AHRR: variants seen among roughly 807,000 people sequenced by gnomAD.
AHRR encodes the protein aryl hydrocarbon receptor repressor.
In AHRR, 28 loss-of-function variants were observed where a neutral mutation model predicts 44.0. The ratio of observed to expected loss-of-function variants is 0.64; its 90% confidence interval spans 0.47 to 0.87. The LOEUF is 0.87. Among genes scored for constraint, AHRR ranks in the 40% least tolerant of loss-of-function variants. AHRR has a pLI of 0.00. For missense variants in AHRR, 990 were observed against 953.9 expected, an observed-to-expected ratio of 1.04 and a Z score of -0.50; for synonymous variants, 434 against 407.0, an observed-to-expected ratio of 1.07 and a Z score of -0.80.
intron 5 of AHRR, among the ~76,000 whole-genome samples, chr5:415,109 A>T (rs1421141268): frequency 6.6e-6 from 1 of 152,200 alleles, no homozygotes; most frequent in Non-Finnish European, 1.5e-5. Context: ...TCCCTTTGGG[A>T]CCCAGGTGAG....
chr5:427,416 A>G (rs1287244564), intron 7 of AHRR, among the ~76,000 whole-genome samples: 2 of 129,246 alleles, frequency 1.5e-5, no homozygotes, highest in African/African-American at 6.1e-5. Context: ...CTTGGAGATC[A>G]TCCACTCCTG....
At position 405,147 on chromosome 5, in the gene AHRR, G is replaced by A. The variant is rs997495407; in HGVS notation, c.352-8197G>A. Among the ~76,000 whole-genome samples, 9 of 152,218 alleles carry A rather than the reference G, an allele frequency of 5.9e-5. No homozygotes were observed. The highest frequency in any genetic ancestry group is 2.1e-4 in the South Asian group (1 of 4,818). ...TCTCTTGGGGAAATCTGGGCAAACC[G>A]AGAGCTTGTGAACAGCCCCGATGGG... On this transcript the variant is annotated intron_variant, in intron 4 of 10. Coordinates refer to ENST00000684583, the MANE Select transcript of AHRR (RefSeq NM_001377236.1). This position sits in a 1 kb window ranked among gnomAD's most constrained non-coding sequence, Gnocchi z 4.5.
intron 5 of AHRR, among the ~76,000 whole-genome samples, chr5:421,555 G>C (rs1353137093): frequency 6.6e-6 from 1 of 152,248 alleles, no homozygotes; most frequent in Non-Finnish European, 1.5e-5. Context: ...TTACCCTCCA[G>C]TTACAAGTCC....
chr5:400,219 A>G (rs1734955785), intron 4 of AHRR, among the ~76,000 whole-genome samples: 1 of 152,270 alleles, frequency 6.6e-6, no homozygotes, highest in South Asian at 2.1e-4. Flanking sequence ...CTTGACAAAA[A>G]TAATCTTTGA....
At chr5:364,732 C>G (rs1743296911) in intron 3 of AHRR, among the ~76,000 whole-genome samples, 1 of 151,434 alleles carries the variant, frequency 6.6e-6, no homozygotes, top group African/African-American at 2.4e-5. Flanking sequence ...AAGTGGATTA[C>G]TATATGCTGT....
intron 4 of AHRR, 64 bp downstream of exon 4, chr5:376,780 G>T (rs1733720357): frequency 6.4e-6 from 9 of 1,407,832 alleles, no homozygotes; most frequent in Middle Eastern, 1.8e-4. Context: ...GCGTGTTCAG[G>T]CTCAGTCATA....
intron 2 of AHRR, 41 bp from the exon 3 acceptor site, chr5:353,689 C>T (rs762335070): frequency 3.2e-6 from 5 of 1,567,668 alleles, no homozygotes; most frequent in East Asian, 2.2e-5. Context: ...CCTGTGGCTT[C>T]TGGTGGAGAA....
intron 3 of AHRR, chr5:367,781 C>G (rs1216452779): frequency 1.4e-6 from 1 of 697,242 alleles, no homozygotes; most frequent in Non-Finnish European, 2.6e-6. Context: ...TGGGTTCTGT[C>G]CCCCTCCTTC....
rs1742949764 is a variant in AHRR at position 353,872 on chromosome 5, C to G, written c.205C>G (p.Leu69Val). Residue 69 changes from leucine (L) to valine (V), a missense_variant, in exon 3 of 11, where the codon CTC becomes GTC. Transcript: ENST00000684583. ...GCTGGACAAGCTTTCTGTCCTGCGC[C>G]TCAGTGTCAGTTACCTCCGGGTGAA... The part of the protein sequence containing the change: ...SKLDKLSVLR[L>V]SVSYLRVKSF... 6.2e-7 allele frequency: 1 copy of G among 1,614,006 alleles called. No individual in the cohort carries two copies.
At chr5:428,066 C>T in intron 8 of AHRR, 60 bp downstream of exon 8, 2 of 1,518,210 alleles carry the variant, frequency 1.3e-6, no homozygotes, top group East Asian at 2.3e-5. Context: ...CACAAAACAC[C>T]TCCACACTCA....
intron 4 of AHRR, among the ~76,000 whole-genome samples, chr5:385,152 C>T (rs1216300817): frequency 6.6e-6 from 1 of 151,926 alleles, no homozygotes; most frequent in Non-Finnish European, 1.5e-5. Flanking sequence ...TGCAGGTCTG[C>T]TGGTGATGTG....
At chr5:334,203 T>G (rs1423862894) in intron 1 of AHRR, among the ~76,000 whole-genome samples, 1 of 152,166 alleles carries the variant, frequency 6.6e-6, no homozygotes, top group Non-Finnish European at 1.5e-5. Flanking sequence ...GTGTCTTTTT[T>G]GCACGATGTT....
intron 2 of AHRR, 22 bp from the exon 3 acceptor site, chr5:353,708 G>A (rs751449935): frequency 6.3e-7 from 1 of 1,593,144 alleles, no homozygotes; most frequent in Non-Finnish European, 8.5e-7. Context: ...AAGCCCACCT[G>A]ACCCAGACCA....
chr5:396,217 C>T (rs902691354), intron 4 of AHRR, among the ~76,000 whole-genome samples: 2 of 152,132 alleles, frequency 1.3e-5, no homozygotes, highest in African/African-American at 4.8e-5. Context: ...TGCCCTCCTG[C>T]CCTCCTTCTG....
chr5:364,073 T>C (rs1213033740), intron 3 of AHRR, among the ~76,000 whole-genome samples: 1 of 152,220 alleles, frequency 6.6e-6, no homozygotes, highest in Non-Finnish European at 1.5e-5. Flanking sequence ...CCATTTTCAA[T>C]ATGTAACTGA....
chr5:419,660 G>A lies in AHRR; in HGVS notation c.442-3069G>A, dbSNP rs1299743271. Among the ~76,000 whole-genome samples, 1 of 152,098 alleles carries A rather than the reference G, an allele frequency of 6.6e-6. No homozygotes were observed. Among genetic ancestry groups the A allele is most frequent in the African/African-American group, 2.4e-5 (1 of 41,416 alleles). On this transcript the variant is annotated intron_variant, in intron 5 of 10. Coordinates refer to ENST00000684583, the MANE Select transcript of AHRR (RefSeq NM_001377236.1). The surrounding 1 kb of genome is among the most constrained non-coding windows in gnomAD (Gnocchi z 4.4). The stretch of plus-strand genomic sequence containing the variant: ...TTCCCATTGTCCTGGCAAAGCCGGG[G>A]CCCTCCATGGTGCCCGGCTCTTACT...
In AHRR at chr5:331,568, A is replaced by G. The variant is rs1400716399; in HGVS notation, c.-11+9749A>G. 2.6e-5 allele frequency among the ~76,000 whole-genome samples: 4 copies of G among 152,226 alleles called. No individual in the cohort carries two copies. The East Asian group carries it at 5.8e-4, about 22-fold the overall frequency. On this transcript the variant is annotated intron_variant, in intron 1 of 10. Coordinates refer to ENST00000684583, the MANE Select transcript of AHRR (RefSeq NM_001377236.1). Reference sequence around the variant, plus strand: ...CACATAATTAGATTGTTAACTTGTAATCTTTCTACTTTTTTGATATAGACA... The same window carrying G: ...CACATAATTAGATTGTTAACTTGTAGTCTTTCTACTTTTTTGATATAGACA...
At chr5:431,309 G>A (rs538508418) in intron 8 of AHRR, among the ~76,000 whole-genome samples, 10 of 152,348 alleles carry the variant, frequency 6.6e-5, no homozygotes, top group Admixed American at 4.6e-4. Context: ...TGGAGCCCAA[G>A]GCACATAAAG....
intron 1 of AHRR, among the ~76,000 whole-genome samples, chr5:324,453 TA>T (rs1452740259): frequency 7.2e-6 from 1 of 139,564 alleles, no homozygotes; most frequent in African/African-American, 3.2e-5. Context: ...TTCATTTATA[TA>T]AAAAAATTAA....
Sources: allele counts gnomAD v4.1 joint callset (sites outside exome capture counted in the v4.1 genomes callset), GRCh38; gene constraint gnomAD v4.1.1; non-coding constraint Gnocchi (gnomAD v3.1); transcripts MANE v1.5; gene names NCBI Gene and HGNC (gene_info 2026-07-23, HGNC 2026-07-21).